ZFP41: variants seen among roughly 807,000 people sequenced by gnomAD.
ZFP41 encodes the protein ZFP41 zinc finger protein, also known as zinc finger protein 41 homolog.
Under a neutral mutation model 11.6 loss-of-function variants are expected in ZFP41, and 10 were observed. That is an observed-to-expected ratio of 0.86 (90% confidence interval 0.53 to 1.47). ZFP41 has a LOEUF of 1.47. Among genes scored for constraint, ZFP41 ranks in the 40% most tolerant of loss-of-function variants. The pLI is 0.00. For synonymous variants in ZFP41, 123 were observed against 100.9 expected (o/e 1.22, Z -1.31); for missense variants, 302 against 264.6 (o/e 1.14, Z -0.98).
chr8:143,254,137 G>A (rs1444290463), intron 2 of ZFP41, among the ~76,000 whole-genome samples: 3 of 152,238 alleles, frequency 2.0e-5, no homozygotes, highest in Admixed American at 2.0e-4. Context: ...TTGAGGTCAG[G>A]GACTCCTGCA....
At chr8:143,254,652 G>C (rs1397340201) in intron 2 of ZFP41, among the ~76,000 whole-genome samples, 6 of 29,358 alleles carry the variant, frequency 2.0e-4, no homozygotes, top group Non-Finnish European at 3.8e-4. Context: ...TTTTTTTTTT[G>C]AGACAGAGTC....
chr8:143,256,983 A>C (rs1814929611), intron 2 of ZFP41, among the ~76,000 whole-genome samples: 1 of 152,248 alleles, frequency 6.6e-6, no homozygotes, highest in Non-Finnish European at 1.5e-5. Flanking sequence ...GTTTAAAAGA[A>C]GCTCTTATTG....
chr8:143,250,955 C>CA lies in ZFP41; in HGVS notation c.*516dup, dbSNP rs1365265156. The CA allele has an allele frequency of 5.8e-6, 1 of 173,264 alleles. No homozygotes were observed. Among genetic ancestry groups the CA allele is most frequent in the Non-Finnish European group, 1.4e-5 (1 of 72,182 alleles). The allele number at this position is 173,264 out of a possible 1,614,324, so 10.7% of individuals were successfully genotyped here. On this transcript the variant is annotated 3_prime_UTR_variant, in exon 2 of 3. Transcript: ENST00000330701. ...CGAGCTCTGCAGCGAGCCCTGGGAC[C>CA]ACTCATCCCTGCCCAGCCAGCTTCA...
At chr8:143,257,525 T>G (rs563170418) in intron 2 of ZFP41, among the ~76,000 whole-genome samples, 1 of 152,124 alleles carries the variant, frequency 6.6e-6, no homozygotes, top group African/African-American at 2.4e-5. Flanking sequence ...AATAAGTAAA[T>G]AAAGCCACTT....
chr8:143,258,194 G>A (rs1249682063), intron 2 of ZFP41, among the ~76,000 whole-genome samples: 1 of 151,722 alleles, frequency 6.6e-6, no homozygotes, highest in Non-Finnish European at 1.5e-5. Context: ...GGTGGCGTGC[G>A]CCTGTGGTCC....
At chr8:143,258,169 T>A (rs1042574981) in intron 2 of ZFP41, among the ~76,000 whole-genome samples, 11 of 152,188 alleles carry the variant, frequency 7.2e-5, no homozygotes, top group African/African-American at 2.6e-4. Context: ...CTAATAAAAA[T>A]TAAAAATTAG....
Position 143,249,874 on chromosome 8 carries a change from A to C in ZFP41, c.31A>C (p.Thr11Pro), listed in dbSNP as rs1173397767. The C allele has an allele frequency of 1.2e-6, 2 of 1,601,614 alleles. No individual in the cohort carries two copies. The highest frequency in any genetic ancestry group is 1.7e-6 in the Non-Finnish European group (2 of 1,176,210). The part of the protein sequence containing the change: MEKPAGRKKK[T>P]PTPREEADVQ... ...GAAGCCTGCAGGCAGAAAAAAGAAGACGCCGACCCCAAGGGAGGAGGCAGA... is the reference window on the plus strand; with the variant it reads ...GAAGCCTGCAGGCAGAAAAAAGAAGCCGCCGACCCCAAGGGAGGAGGCAGA... Residue 11 changes from threonine to proline, a missense_variant, in exon 2 of 3, where the codon ACG (threonine) becomes CCG (proline). By Grantham distance (38) the Thr-to-Pro change is conservative. Transcript: ENST00000330701.
intron 2 of ZFP41, among the ~76,000 whole-genome samples, chr8:143,258,917 G>C (rs1240587003): frequency 6.6e-6 from 1 of 152,194 alleles, no homozygotes; most frequent in Non-Finnish European, 1.5e-5. Flanking sequence ...TCCTGCTGCG[G>C]CACCAGGCAG....
In ZFP41 at chr8:143,261,346, G is replaced by A. The variant is rs12681621; in HGVS notation, c.*2472G>A. The A allele has an allele frequency of 0.28, 42,248 of 152,344 alleles. 6,098 individuals are homozygous for A. Among genetic ancestry groups the A allele is most frequent in the Middle Eastern group, 0.33 (96 of 292 alleles). The allele number at this position is 152,344 out of a possible 1,614,324, so 9.4% of individuals were successfully genotyped here. On this transcript the variant is annotated 3_prime_UTR_variant, in exon 3 of 3. Transcript: ENST00000330701. Reference sequence around the variant, plus strand: ...GGGCAGCGAGCTGCGCCTCTGCACCGGGAGAAAGGCCGTGTCCCCAGAGCT... The same window carrying A: ...GGGCAGCGAGCTGCGCCTCTGCACCAGGAGAAAGGCCGTGTCCCCAGAGCT...
At chr8:143,256,644 G>A (rs1019802534) in intron 2 of ZFP41, among the ~76,000 whole-genome samples, 13 of 152,220 alleles carry the variant, frequency 8.5e-5, no homozygotes, top group African/African-American at 2.7e-4. Context: ...TTGGAAGGCC[G>A]AGGCAGGAGG....
At position 143,259,875 on chromosome 8, in the gene ZFP41, A is replaced by G. The variant is rs1814999437; in HGVS notation, c.*1001A>G. The G allele has an allele frequency of 6.6e-6, 1 of 152,366 alleles. No homozygotes were observed. Among genetic ancestry groups the G allele is most frequent in the Non-Finnish European group, 1.5e-5 (1 of 68,112 alleles). 9.4% of individuals were successfully genotyped at this position (152,366 alleles called of 1,614,324 possible). ...AAAAAGATTCGCACATTCCTCAGTT[A>G]GAGGAGGAGCAGAGATGAAGAAAAG... On this transcript the variant is annotated 3_prime_UTR_variant, in exon 3 of 3. Coordinates refer to ENST00000330701, the MANE Select transcript of ZFP41 (RefSeq NM_173832.6).
chr8:143,259,452 A>G (rs1343523799), intron 2 of ZFP41, among the ~76,000 whole-genome samples: 2 of 152,202 alleles, frequency 1.3e-5, no homozygotes, highest in Non-Finnish European at 2.9e-5. Flanking sequence ...GCGCGGTTAA[A>G]GGATCATGTC....
rs754956957 is a variant in ZFP41 at position 143,250,301 on chromosome 8, A to G, written c.458A>G (p.Asn153Ser). Residue 153 changes from asparagine (N) to serine (S), a missense_variant, in exon 2 of 3, where the codon AAC (asparagine) becomes AGC (serine). Asn to Ser is a conservative substitution (Grantham distance 46). Coordinates refer to ENST00000330701, the MANE Select transcript of ZFP41 (RefSeq NM_173832.6). ...FKCGECGKAF[N>S]CGSNLLKHQK... Reference sequence around the variant, plus strand: ...TGCGGGGAGTGCGGGAAAGCCTTTAACTGCGGCTCCAATCTCCTGAAACAT... The same window carrying G: ...TGCGGGGAGTGCGGGAAAGCCTTTAGCTGCGGCTCCAATCTCCTGAAACAT... The G allele has an allele frequency of 6.2e-7, 1 of 1,613,870 alleles. No individual in the cohort carries two copies. Among genetic ancestry groups the G allele is most frequent in the Non-Finnish European group, 8.5e-7 (1 of 1,180,022 alleles).
chr8:143,248,187 A>G (rs1488089085), intron 1 of ZFP41: 2 of 152,170 alleles, frequency 1.3e-5, no homozygotes, highest in African/African-American at 4.8e-5. Context: ...GAGTCATTCC[A>G]GTCTCTGCCG....
intron 2 of ZFP41, among the ~76,000 whole-genome samples, chr8:143,254,425 A>G (rs1468499694): frequency 6.6e-6 from 1 of 152,064 alleles, no homozygotes; most frequent in African/African-American, 2.4e-5. Flanking sequence ...GAAAGAAACC[A>G]GGGGGCGGGA....
At position 143,258,276 on chromosome 8, in the gene ZFP41, G is replaced by T. The variant is rs1004126910; in HGVS notation, c.*901-1499G>T. ...GTTGACACTTCAGTGAACTGGGATTGTATCACTGCATTCTGTTCTGCAGAC... is the reference window on the plus strand; with the variant it reads ...GTTGACACTTCAGTGAACTGGGATTTTATCACTGCATTCTGTTCTGCAGAC... On this transcript the variant is annotated intron_variant, in intron 2 of 2. Coordinates refer to ENST00000330701, the MANE Select transcript of ZFP41 (RefSeq NM_173832.6). Among the ~76,000 whole-genome samples the T allele has an allele frequency of 8.5e-5, 13 of 152,222 alleles. No homozygotes were observed. In the South Asian group the frequency reaches 2.3e-3, roughly 27 times the overall value.
chr8:143,250,255 A>G lies in ZFP41; in HGVS notation c.412A>G (p.Thr138Ala). 1 of 1,614,076 alleles carries G rather than the reference A, an allele frequency of 6.2e-7. No homozygotes were observed. Among genetic ancestry groups the G allele is most frequent in the Non-Finnish European group, 8.5e-7 (1 of 1,180,022 alleles). Residue 138 changes from threonine to alanine, a missense_variant, in exon 2 of 3, where the codon ACG becomes GCG. Coordinates refer to ENST00000330701, the MANE Select transcript of ZFP41 (RefSeq NM_173832.6). Reference protein sequence around the residue: ...SDVTKHQRTHTGEKPFKCGEC... With the variant: ...SDVTKHQRTHAGEKPFKCGEC... ...CGTCACCAAACACCAGAGGACTCAC[A>G]CGGGAGAGAAGCCCTTCAAATGCGG...
rs1317852198 is a variant in ZFP41 at position 143,250,335 on chromosome 8, G to A, written c.492G>A (p.Thr164=). ...CGSNLLKHQK[T]HTGEKPYECT... ...CCAATCTCCTGAAACATCAGAAGAC[G>A]CACACCGGGGAGAAGCCCTACGAAT... The change falls in exon 2 of 3, where the codon ACG becomes ACA. Residue 164 remains threonine, a synonymous_variant. Transcript: ENST00000330701. 4.3e-6 allele frequency: 7 copies of A among 1,613,810 alleles called. No individual in the cohort carries two copies. The highest frequency in any genetic ancestry group is 3.3e-5 in the Admixed American group (2 of 59,988).
At chr8:143,248,959 C>T (rs775835600) in intron 1 of ZFP41, among the ~76,000 whole-genome samples, 14 of 152,244 alleles carry the variant, frequency 9.2e-5, no homozygotes, top group African/African-American at 1.2e-4. Context: ...GGAGGGAAGG[C>T]CACCAACCTC....
Sources: gnomAD v4.1 joint callset for allele counts (sites outside exome capture counted in the v4.1 genomes callset) on GRCh38, gnomAD v4.1.1 for gene constraint, MANE v1.5 for transcripts, NCBI Gene and HGNC (gene_info 2026-07-23, HGNC 2026-07-21) for gene names.